Variants in ABCA13 observed in about 807,000 individuals in gnomAD.
ABCA13 encodes the protein ATP-binding cassette sub-family A member 13.
Under a neutral mutation model 478.7 loss-of-function variants are expected in ABCA13, and 476 were observed. The observed-to-expected ratio is 0.99, with a 90% CI of 0.92 to 1.07. ABCA13 has a LOEUF of 1.07. Ranked by LOEUF, ABCA13 falls within the 50% of genes least tolerant of loss-of-function variation. The pLI is 0.00. For synonymous variants in ABCA13, 2,252 were observed against 2,158.9 expected (o/e 1.04, Z -1.20); for missense variants, 6,060 against 5,910.6 (o/e 1.03, Z -0.83).
At chr7:48,218,224 G>A (rs752211423) in intron 3 of ABCA13, among the ~76,000 whole-genome samples, 33 of 152,186 alleles carry the variant, frequency 2.2e-4, no homozygotes, top group Non-Finnish European at 4.6e-4. Context: ...TAATTCTATG[G>A]TTTCCGAGGC....
chr7:48,394,825 T>G (rs1474702623), intron 38 of ABCA13, among the ~76,000 whole-genome samples: 1 of 152,176 alleles, frequency 6.6e-6, no homozygotes, highest in Non-Finnish European at 1.5e-5. Context: ...ATTTGTTTTA[T>G]TTTATCCCTC....
chr7:48,298,321 T>C lies in ABCA13; in HGVS notation c.9200-45T>C, dbSNP rs749949761. 32 of 1,556,844 alleles carry C rather than the reference T, an allele frequency of 2.1e-5. No homozygotes were observed. In the Middle Eastern group the frequency reaches 6.9e-4, roughly 34 times the overall value. On this transcript the variant is annotated intron_variant, in intron 22 of 61. Transcript: ENST00000435803. The stretch of plus-strand genomic sequence containing the variant: ...ATTTTGTTTTCGCAGTCAGTAATGA[T>C]CTAAACCTTTATTACACAAATTTCT...
intron 27 of ABCA13, among the ~76,000 whole-genome samples, chr7:48,326,726 T>G (rs1328282017): frequency 6.6e-6 from 1 of 152,236 alleles, no homozygotes; most frequent in Non-Finnish European, 1.5e-5. Context: ...TATATTTTAC[T>G]GTATTCTCCA....
At chr7:48,253,953 G>C (rs571082696) in intron 15 of ABCA13, among the ~76,000 whole-genome samples, 2 of 150,856 alleles carry the variant, frequency 1.3e-5, no homozygotes, top group Admixed American at 1.3e-4. Context: ...GTGTGTGTTC[G>C]TGTGTGTGTC....
At chr7:48,474,162 G>A (rs1827825886) in intron 45 of ABCA13, among the ~76,000 whole-genome samples, 1 of 152,078 alleles carries the variant, frequency 6.6e-6, no homozygotes, top group African/African-American at 2.4e-5. Context: ...AAAATCAGTT[G>A]ACAAAAGGCA....
chr7:48,516,990 A>G, intron 52 of ABCA13, 109 bp downstream of exon 52: 1 of 1,220,870 alleles, frequency 8.2e-7, no homozygotes, highest in Middle Eastern at 2.0e-4. Context: ...ATGGAAATGC[A>G]TTGGTATCCA....
intron 51 of ABCA13, among the ~76,000 whole-genome samples, chr7:48,514,093 A>G (rs1363086393): frequency 2.0e-5 from 3 of 152,202 alleles, no homozygotes; most frequent in Admixed American, 6.5e-5. Flanking sequence ...CCTAATGTTG[A>G]GGTGGTAATT....
In ABCA13 at chr7:48,516,784, C is replaced by G; in HGVS notation, c.13700C>G (p.Ala4567Gly). The G allele has an allele frequency of 6.2e-7, 1 of 1,613,846 alleles. No individual in the cohort carries two copies. Among genetic ancestry groups the G allele is most frequent in the African/African-American group, 1.3e-5 (1 of 75,044 alleles). ...MSRIFSSSDV[A>G]FISYVSLNFI... Reference sequence around the variant, plus strand: ...AGAATCTTTTCCAGTTCGGACGTGGCTTTCATTTCCTATGTCTCACTAAAC... The same window carrying G: ...AGAATCTTTTCCAGTTCGGACGTGGGTTTCATTTCCTATGTCTCACTAAAC... Residue 4567 changes from alanine (A) to glycine (G), a missense_variant, in exon 52 of 62, where the codon GCT becomes GGT. Physicochemically the swap from Ala to Gly is moderately conservative, Grantham distance 60 (BLOSUM62 0). Transcript: ENST00000435803.
rs1233345505 is a variant in ABCA13 at position 48,532,851 on chromosome 7, CTCTTTTTT to C, written c.14354+4507_14354+4514del. ...ATTTCTGTAGTATCAGTAATAATAT[CTCTTTTTT>C]CATTTGTAATTGAGCTTATTTGAAT... On this transcript the variant is annotated intron_variant, in intron 55 of 61. Coordinates refer to ENST00000435803, the MANE Select transcript of ABCA13 (RefSeq NM_152701.5). Among the ~76,000 whole-genome samples, 3 of 152,070 alleles carry C rather than the reference CTCTTTTTT, an allele frequency of 2.0e-5. No homozygotes were observed. In the South Asian group the frequency reaches 6.2e-4, roughly 32 times the overall value.
intron 56 of ABCA13, among the ~76,000 whole-genome samples, chr7:48,583,180 C>T (rs1788864492): frequency 6.6e-6 from 1 of 152,172 alleles, no homozygotes; most frequent in Admixed American, 6.5e-5. Context: ...ACTGTCCCTA[C>T]TGTGTCTTGC....
intron 3 of ABCA13, among the ~76,000 whole-genome samples, chr7:48,211,012 G>A (rs1167173093): frequency 6.6e-6 from 1 of 151,978 alleles, no homozygotes; most frequent in Non-Finnish European, 1.5e-5. Flanking sequence ...TTTATATATG[G>A]ATGCTCCAGA....
intron 19 of ABCA13, among the ~76,000 whole-genome samples, chr7:48,281,786 T>C (rs189224286): frequency 3.8e-4 from 58 of 152,280 alleles, no homozygotes; most frequent in African/African-American, 1.4e-3. Context: ...CCAGAAGTGT[T>C]CCCCCATCTC....
At chr7:48,176,733 C>T (rs1267162478) in intron 1 of ABCA13, among the ~76,000 whole-genome samples, 1 of 151,022 alleles carries the variant, frequency 6.6e-6, no homozygotes, top group Non-Finnish European at 1.5e-5. Flanking sequence ...CTCTGCCTAT[C>T]TACCTCCTAG....
chr7:48,581,602 C>A (rs1788717277), intron 56 of ABCA13, among the ~76,000 whole-genome samples: 1 of 152,206 alleles, frequency 6.6e-6, no homozygotes, highest in Non-Finnish European at 1.5e-5. Context: ...TCGAGGGAAA[C>A]ATGCTTATGA....
chr7:48,298,457 C>T lies in ABCA13; in HGVS notation c.9291C>T (p.Ser3097=), dbSNP rs751743605. 11 of 1,613,392 alleles carry T rather than the reference C, an allele frequency of 6.8e-6. No individual in the cohort carries two copies. The highest frequency in any genetic ancestry group is 9.3e-6 in the Non-Finnish European group (11 of 1,179,716). ...SIQISNETIH[S]ILEANISHSK... ...AAATCTCGAATGAGACTATCCATAGCATTCTAGAAGCAAATATTTCCCACT... is the reference window on the plus strand; with the variant it reads ...AAATCTCGAATGAGACTATCCATAGTATTCTAGAAGCAAATATTTCCCACT... The change falls in exon 23 of 62, where the codon AGC becomes AGT. Residue 3097 remains serine (S), a synonymous_variant. Transcript: ENST00000435803.
At chr7:48,476,699 A>C (rs980465347) in intron 45 of ABCA13, among the ~76,000 whole-genome samples, 1 of 152,134 alleles carries the variant, frequency 6.6e-6, no homozygotes, top group Non-Finnish European at 1.5e-5. Context: ...TCTGGCCTTG[A>C]AGTAATCTTT....
chr7:48,338,422 G>T lies in ABCA13; in HGVS notation c.10171G>T (p.Val3391Leu). 1 of 1,602,088 alleles carries T rather than the reference G, an allele frequency of 6.2e-7. No homozygotes were observed. The highest frequency in any genetic ancestry group is 1.1e-5 in the South Asian group (1 of 88,570). ...NFVENQLHID[V>L]DKLTEKLQTY... ...TGTAGAAAACCAGTTGCACATTGAT[G>T]TAGACAAACTTACTGAAAAACTCCA... The change falls in exon 29 of 62, where the codon GTA (valine) becomes TTA (leucine). Residue 3391 changes from valine (V) to leucine (L), a missense_variant. Physicochemically the swap from Val to Leu is conservative, Grantham distance 32. Around this residue, in one of 3 missense-constraint regions of ABCA13, gnomAD observed 4,423 missense variants for 4,309.1 expected, o/e 1.03. Transcript: ENST00000435803.
chr7:48,215,874 G>T (rs1786385683), intron 3 of ABCA13, among the ~76,000 whole-genome samples: 1 of 152,084 alleles, frequency 6.6e-6, no homozygotes, highest in South Asian at 2.1e-4. Flanking sequence ...GGCTTTGTTT[G>T]GTGACTGCCT....
At chr7:48,448,314 T>G (rs1824552390) in intron 42 of ABCA13, among the ~76,000 whole-genome samples, 2 of 152,182 alleles carry the variant, frequency 1.3e-5, no homozygotes, top group South Asian at 4.1e-4. Flanking sequence ...GGTGCATATT[T>G]AGAGTTTAGG....
Sources: gnomAD v4.1 joint callset for allele counts (sites outside exome capture counted in the v4.1 genomes callset) on GRCh38, gnomAD v4.1.1 for gene constraint, gnomAD v4.1.1 regional missense constraint, MANE v1.5 for transcripts, NCBI Gene and HGNC (gene_info 2026-07-23, HGNC 2026-07-21) for gene names.